The following SPART variants were observed in gnomAD, a reference collection of about 807,000 sequenced individuals.
The protein encoded by SPART is spastic paraplegia 20 (Troyer syndrome).
Under a neutral mutation model 58.7 loss-of-function variants are expected in SPART, and 35 were observed. The ratio of observed to expected loss-of-function variants is 0.60; its 90% CI spans 0.46 to 0.79. The LOEUF is 0.79. Ranked by LOEUF, SPART falls within the 30% of genes least tolerant of loss-of-function variation. SPART has a pLI of 0.00. For missense variants in SPART, 730 were observed against 786.1 expected (o/e 0.93, Z 0.85); for synonymous variants, 284 against 280.7 (o/e 1.01, Z -0.12).
In SPART at chr13:36,335,683, T is replaced by C. The variant is rs1384361621; in HGVS notation, c.148A>G (p.Ile50Val). The change falls in exon 2 of 9, where the codon ATA (isoleucine) becomes GTA (valine). Residue 50 changes from isoleucine to valine, a missense_variant. Coordinates refer to ENST00000438666, the MANE Select transcript of SPART (RefSeq NM_015087.5). ...CTGATCCCTCTGAGCAGGTGTCCTA[T>C]TCCTTGCTTATAGTAGTTCTTTGCT... ...EEAKNYYKQGIGHLLRGISIS... is the reference protein window; with the variant it reads ...EEAKNYYKQGVGHLLRGISIS... 1.9e-6 allele frequency: 3 copies of C among 1,614,198 alleles called. No individual in the cohort carries two copies. Among genetic ancestry groups the C allele is most frequent in the Non-Finnish European group, 2.5e-6 (3 of 1,180,004 alleles).
chr13:36,324,822 G>A (rs1163965561), intron 5 of SPART, among the ~76,000 whole-genome samples: 1 of 152,174 alleles, frequency 6.6e-6, no homozygotes, highest in Non-Finnish European at 1.5e-5. Context: ...TATAGGATTT[G>A]GGTAGATAAA....
intron 8 of SPART, among the ~76,000 whole-genome samples, chr13:36,306,877 C>T (rs1179178462): frequency 6.6e-6 from 1 of 152,102 alleles, no homozygotes; most frequent in Non-Finnish European, 1.5e-5. Context: ...CTCAAAAAAA[C>T]GATGTATATG....
chr13:36,320,144 G>A (rs2137401055), intron 5 of SPART, among the ~76,000 whole-genome samples: 1 of 152,154 alleles, frequency 6.6e-6, no homozygotes, highest in Non-Finnish European at 1.5e-5. Flanking sequence ...CACAAACTAT[G>A]CTCAACTCAC....
intron 1 of SPART, among the ~76,000 whole-genome samples, chr13:36,359,012 C>T (rs1012247570): frequency 1.3e-5 from 2 of 152,116 alleles, no homozygotes; most frequent in Admixed American, 1.3e-4. Context: ...CCTCCCACCC[C>T]CAATGAACAA....
chr13:36,369,336 C>T (rs985298451), intron 1 of SPART, among the ~76,000 whole-genome samples: 4 of 152,114 alleles, frequency 2.6e-5, no homozygotes, highest in African/African-American at 9.7e-5. Flanking sequence ...TCTTCATAAT[C>T]GTATATAGCG....
chr13:36,350,743 T>G (rs1314753365), upstream of SPART, among the ~76,000 whole-genome samples: 1 of 152,220 alleles, frequency 6.6e-6, no homozygotes, highest in South Asian at 2.1e-4. Flanking sequence ...AACAATATTT[T>G]GAAATCATGG....
intron 1 of SPART, among the ~76,000 whole-genome samples, chr13:36,359,222 C>G (rs142403092): frequency 1.4e-4 from 22 of 152,330 alleles, no homozygotes; most frequent in African/African-American, 4.6e-4. Context: ...ACTCCTCCCC[C>G]ACAAAATTAT....
upstream of SPART, among the ~76,000 whole-genome samples, chr13:36,349,752 A>T (rs1195620804): frequency 1.3e-5 from 2 of 152,246 alleles, no homozygotes; most frequent in South Asian, 4.1e-4. Context: ...ATTATCTGTT[A>T]TCTCTGTGGA....
At chr13:36,366,150 GC>G in intron 1 of SPART, among the ~76,000 whole-genome samples, 1 of 152,236 alleles carries the variant, frequency 6.6e-6, no homozygotes, top group African/African-American at 2.4e-5. Context: ...GGAGTTCAAG[GC>G]CCTCCATAAA....
chr13:36,343,887 A>C (rs968544887), intron 1 of SPART, among the ~76,000 whole-genome samples: 1 of 152,160 alleles, frequency 6.6e-6, no homozygotes, highest in Non-Finnish European at 1.5e-5. Flanking sequence ...TGTCAAGAAA[A>C]TTAAATGAGC....
At position 36,335,958 on chromosome 13, in the gene SPART, A is replaced by G. The variant is rs75437625; in HGVS notation, c.-2-126T>C. On this transcript the variant is annotated intron_variant, in intron 1 of 8. Transcript: ENST00000438666. Reference sequence around the variant, plus strand: ...TTATCTCTGTTTTGTTCACTATTATACTATCCTTTAAGCCTACTATTAGGT... The same window carrying G: ...TTATCTCTGTTTTGTTCACTATTATGCTATCCTTTAAGCCTACTATTAGGT... 2,219 of 765,498 alleles carry G rather than the reference A, an allele frequency of 2.9e-3. 66 individuals carry two copies. In the East Asian group the frequency reaches 0.056, roughly 19 times the overall value. 47.4% of individuals were successfully genotyped at this position (765,498 alleles called of 1,614,324 possible).
At chr13:36,354,583 A>G (rs1190548476) in intron 1 of SPART, among the ~76,000 whole-genome samples, 18 of 152,234 alleles carry the variant, frequency 1.2e-4, no homozygotes, top group Admixed American at 1.2e-3. Context: ...AGAATTAAGC[A>G]TGCCTGTGCC....
Position 36,335,570 on chromosome 13 carries a change from A to G in SPART, c.261T>C (p.Asn87=). The change falls in exon 2 of 9, where the codon AAT becomes AAC. Residue 87 remains asparagine (N), a synonymous_variant. Coordinates refer to ENST00000438666, the MANE Select transcript of SPART (RefSeq NM_015087.5). The part of the protein sequence containing the change: ...MQQKMKETLQ[N]VRTRLEILEK... ...CTAGAATTTCCAGCCTGGTGCGTAC[A>G]TTCTGTAGAGTTTCTTTCATTTTCT... 1 of 1,613,992 alleles carries G rather than the reference A, an allele frequency of 6.2e-7. No homozygotes were observed. Among genetic ancestry groups the G allele is most frequent in the Non-Finnish European group, 8.5e-7 (1 of 1,179,982 alleles).
intron 5 of SPART, chr13:36,326,191 T>C (rs1882913104): frequency 3.4e-6 from 1 of 295,714 alleles, no homozygotes; most frequent in Non-Finnish European, 6.5e-6. Flanking sequence ...GGGGTTAGGA[T>C]TTCAATATAT....
In SPART at chr13:36,320,225, C is replaced by T. The variant is rs184057707; in HGVS notation, c.1289-5804G>A. Among the ~76,000 whole-genome samples the T allele has an allele frequency of 4.6e-3, 707 of 152,234 alleles. 6 individuals carry two copies. The highest frequency in any genetic ancestry group is 0.016 in the African/African-American group (667 of 41,524). On this transcript the variant is annotated intron_variant, in intron 5 of 8. Coordinates refer to ENST00000438666, the MANE Select transcript of SPART (RefSeq NM_015087.5). ...CCTGACGCATATACTTTCTGCTTCC[C>T]GGCGCCTTCAGCTGTACTCACTCTT...
chr13:36,314,541 G>A (rs1325639398), intron 5 of SPART, 120 bp from the exon 6 acceptor site: 7 of 988,230 alleles, frequency 7.1e-6, no homozygotes, highest in Admixed American at 4.0e-5. Context: ...TGCTAAATGT[G>A]CCATGTCATA....
chr13:36,354,453 A>G (rs1263391640), intron 1 of SPART, among the ~76,000 whole-genome samples: 1 of 152,014 alleles, frequency 6.6e-6, no homozygotes, highest in East Asian at 1.9e-4. Context: ...GCGGAGGTCA[A>G]CCCTACAGGC....
At chr13:36,359,545 A>G (rs1045060529) in intron 1 of SPART, among the ~76,000 whole-genome samples, 2 of 152,216 alleles carry the variant, frequency 1.3e-5, no homozygotes. Flanking sequence ...CCTACTACCT[A>G]CATGAACTTA....
At chr13:36,319,028 T>C (rs1882059323) in intron 5 of SPART, among the ~76,000 whole-genome samples, 2 of 152,148 alleles carry the variant, frequency 1.3e-5, no homozygotes, top group Admixed American at 6.5e-5. Flanking sequence ...ATACGGAGGC[T>C]ACCCACTCCA....
Sources: allele counts gnomAD v4.1 joint callset (sites outside exome capture counted in the v4.1 genomes callset), GRCh38; gene constraint gnomAD v4.1.1; transcripts MANE v1.5; gene names NCBI Gene and HGNC (gene_info 2026-07-23, HGNC 2026-07-21).